PLBD1: variants seen among roughly 807,000 people sequenced by gnomAD.
PLBD1 encodes lysosomal leucine aminopeptidase.
A neutral mutation model predicts 63.0 loss-of-function variants in PLBD1; 60 were observed. That is an observed-to-expected ratio of 0.95 (90% CI 0.77 to 1.18). PLBD1 has a LOEUF of 1.18. Ranked by LOEUF, PLBD1 falls within the 50% of genes most tolerant of loss-of-function variation. PLBD1 has a pLI of 0.00. For synonymous variants in PLBD1, 262 were observed against 248.0 expected (o/e 1.06, Z -0.53); for missense variants, 598 against 677.9 (o/e 0.88, Z 1.31).
rs1945259309 is a variant in PLBD1, at chr12:14,506,797, G to A, written c.1372+136C>T. The A allele has an allele frequency of 4.1e-5, 28 of 679,442 alleles. 1 individual carries two copies. The South Asian group carries it at 7.6e-4, about 18-fold the overall frequency. The allele number at this position is 679,442 out of a possible 1,614,324, so 42.1% of individuals were successfully genotyped here. Reference sequence around the variant, plus strand: ...AAGCTCTATTTATTGAGTATAAAATGTACAATATTAGTTAAATACTTAAAT... The same window carrying A: ...AAGCTCTATTTATTGAGTATAAAATATACAATATTAGTTAAATACTTAAAT... On this transcript the variant is annotated intron_variant, in intron 9 of 10. Coordinates refer to ENST00000240617, the MANE Select transcript of PLBD1 (RefSeq NM_024829.6).
At chr12:14,504,986 G>T (rs1258339587) in intron 10 of PLBD1, among the ~76,000 whole-genome samples, 1 of 152,046 alleles carries the variant, frequency 6.6e-6, no homozygotes, top group East Asian at 1.9e-4. Context: ...GATTTTCTTT[G>T]TGTATTCTGT....
intron 8 of PLBD1, among the ~76,000 whole-genome samples, chr12:14,510,402 T>A (rs3762113): frequency 6.6e-6 from 1 of 151,964 alleles, no homozygotes; most frequent in African/African-American, 2.4e-5. Flanking sequence ...TGAAGAAAAA[T>A]AAAAATTAAA....
chr12:14,562,010 C>T (rs1287748462), intron 1 of PLBD1, among the ~76,000 whole-genome samples: 1 of 152,168 alleles, frequency 6.6e-6, no homozygotes, highest in Non-Finnish European at 1.5e-5. Context: ...GAGAATAACA[C>T]CGGTGTGAAT....
intron 1 of PLBD1, among the ~76,000 whole-genome samples, chr12:14,564,164 C>T (rs2136936898): frequency 6.6e-6 from 1 of 152,106 alleles, no homozygotes; most frequent in Admixed American, 6.5e-5. Flanking sequence ...TATGATCGTA[C>T]CATTGTACTC....
chr12:14,555,915 G>A (rs1389105855), intron 1 of PLBD1, among the ~76,000 whole-genome samples: 3 of 152,194 alleles, frequency 2.0e-5, no homozygotes, highest in Non-Finnish European at 4.4e-5. Flanking sequence ...TAGACTAGAA[G>A]CTCCCTGAGG....
At chr12:14,556,482 G>A (rs1421750601) in intron 1 of PLBD1, among the ~76,000 whole-genome samples, 1 of 151,676 alleles carries the variant, frequency 6.6e-6, no homozygotes, top group African/African-American at 2.4e-5. Context: ...CGATTCTCCT[G>A]CCTCAGCCTC....
At chr12:14,539,961 T>C (rs1192579567) in intron 4 of PLBD1, among the ~76,000 whole-genome samples, 1 of 144,136 alleles carries the variant, frequency 6.9e-6, no homozygotes, top group Non-Finnish European at 1.5e-5. Flanking sequence ...CATATACATA[T>C]ATATACAAAT....
chr12:14,504,680 T>G (rs1814146616), intron 10 of PLBD1, among the ~76,000 whole-genome samples: 1 of 152,186 alleles, frequency 6.6e-6, no homozygotes, highest in Admixed American at 6.5e-5. Context: ...TTGTTATTAA[T>G]CAGGGTGGTA....
intron 1 of PLBD1, among the ~76,000 whole-genome samples, chr12:14,559,003 A>G (rs968493073): frequency 6.6e-6 from 1 of 152,222 alleles, no homozygotes; most frequent in Non-Finnish European, 1.5e-5. Flanking sequence ...CCATTCCTCA[A>G]TGTTTTCTCT....
At position 14,552,448 on chromosome 12, in the gene PLBD1, T is replaced by G. The variant is rs996021245; in HGVS notation, c.335+745A>C. Among the ~76,000 whole-genome samples, 6 of 152,246 alleles carry G rather than the reference T, an allele frequency of 3.9e-5. 1 individual carries two copies. The highest frequency in any genetic ancestry group is 1.4e-4 in the African/African-American group (6 of 41,468). On this transcript the variant is annotated intron_variant, in intron 2 of 10. Transcript: ENST00000240617. ...TTCAATTTAAAAATCTCTGCCCACATGGAGCTATTGTTTCAAGATGGCTGG... is the reference window on the plus strand; with the variant it reads ...TTCAATTTAAAAATCTCTGCCCACAGGGAGCTATTGTTTCAAGATGGCTGG...
chr12:14,565,229 G>GCTGAGGCGGGCAGATCAC, intron 1 of PLBD1, among the ~76,000 whole-genome samples: 1 of 152,142 alleles, frequency 6.6e-6, no homozygotes, highest in Non-Finnish European at 1.5e-5. Flanking sequence ...ACTTTGGGAG[G>GCTGAGGCGGGCAGATCAC]CTGAGGCGGG....
At chr12:14,564,659 A>G (rs1462569309) in intron 1 of PLBD1, among the ~76,000 whole-genome samples, 1 of 152,268 alleles carries the variant, frequency 6.6e-6, no homozygotes, top group Non-Finnish European at 1.5e-5. Flanking sequence ...ACTTGGGTGT[A>G]TATCAGGGTG....
intron 6 of PLBD1, among the ~76,000 whole-genome samples, chr12:14,518,006 C>A (rs1330050726): frequency 6.6e-6 from 1 of 152,084 alleles, no homozygotes; most frequent in Non-Finnish European, 1.5e-5. Flanking sequence ...CATGGTGAAA[C>A]CGCGTCTCTA....
intron 1 of PLBD1, 140 bp from the exon 2 acceptor site, chr12:14,553,552 T>G (rs1027409793): frequency 2.7e-6 from 2 of 731,660 alleles, no homozygotes; most frequent in African/African-American, 3.6e-5. Context: ...CCGTTACAGT[T>G]TGCCCTTAAT....
intron 6 of PLBD1, among the ~76,000 whole-genome samples, chr12:14,517,369 A>T (rs1289533326): frequency 6.6e-6 from 1 of 152,070 alleles, no homozygotes; most frequent in African/African-American, 2.4e-5. Flanking sequence ...CCTGGTCTCA[A>T]ACTTCTGGGC....
chr12:14,536,223 T>C (rs959524249), intron 5 of PLBD1: 12 of 238,828 alleles, frequency 5.0e-5, no homozygotes, highest in East Asian at 1.1e-4. Flanking sequence ...CGCTTGAACC[T>C]GGGAGGCAGA....
rs1236290941 is a variant in PLBD1, at chr12:14,509,398, T to C, written c.1186+1862A>G. 3.3e-5 allele frequency among the ~76,000 whole-genome samples: 5 copies of C among 152,208 alleles called. No individual in the cohort carries two copies. In the East Asian group the frequency reaches 9.6e-4, roughly 29 times the overall value. The stretch of plus-strand genomic sequence containing the variant: ...CTCTCTCTCTTGAGGCATGCTATTA[T>C]TTTCAGGCTCTTAGGAGCTGGGTTC... On this transcript the variant is annotated intron_variant, in intron 8 of 10. Coordinates refer to ENST00000240617, the MANE Select transcript of PLBD1 (RefSeq NM_024829.6).
chr12:14,525,292 A>T (rs1945408125), intron 6 of PLBD1, among the ~76,000 whole-genome samples: 1 of 152,166 alleles, frequency 6.6e-6, no homozygotes, highest in South Asian at 2.1e-4. Context: ...AATAAAATAA[A>T]CAAAAAATAA....
At chr12:14,522,366 T>C (rs181362593) in intron 6 of PLBD1, among the ~76,000 whole-genome samples, 1 of 152,186 alleles carries the variant, frequency 6.6e-6, no homozygotes. Flanking sequence ...GAATTAGTAA[T>C]AAAAAGTCTT....
Sources: gnomAD v4.1 joint callset for allele counts (sites outside exome capture counted in the v4.1 genomes callset) on GRCh38, gnomAD v4.1.1 for gene constraint, MANE v1.5 for transcripts, NCBI Gene and HGNC (gene_info 2026-07-23, HGNC 2026-07-21) for gene names.